The following GSE1 variants were observed in gnomAD, a reference collection of about 807,000 sequenced individuals.
The protein encoded by GSE1 is Gse1 coiled-coil protein.
GSE1 carries 32 observed loss-of-function variants against 112.6 expected under a neutral mutation model. The observed-to-expected ratio is 0.28, with a 90% CI of 0.21 to 0.38. GSE1 has a LOEUF of 0.38. GSE1 is among the 10% of genes least tolerant of loss of function. The pLI is 1.00. For synonymous variants in GSE1, 1,115 were observed against 735.6 expected (o/e 1.52, Z -8.35); for missense variants, 2,348 against 1,699.2 (o/e 1.38, Z -6.71).
chr16:85,439,735 ACAGAT>A (rs937172151), intron 2 of GSE1, among the ~76,000 whole-genome samples: 13 of 151,450 alleles, frequency 8.6e-5, no homozygotes, highest in African/African-American at 3.2e-4. Context: ...TCAGAGAGCC[ACAGAT>A]CCACATGCAT....
rs1017777170 is a variant in GSE1 at position 85,597,781 on chromosome 16, A to G, written c.37+41418A>G. ...CCACTGCGCCTGGCTGGATTCTTCA[A>G]TAACTAAAAGATGGGCCAGCCTCAG... On this transcript the variant is annotated intron_variant, in intron 1 of 2. Coordinates refer to the GSE1 transcript ENST00000635906. Among the ~76,000 whole-genome samples, 6 of 152,188 alleles carry G rather than the reference A, an allele frequency of 3.9e-5. No homozygotes were observed. In the South Asian group the frequency reaches 8.3e-4, roughly 21 times the overall value.
At chr16:85,547,650 G>A (rs1357519278) in intron 2 of GSE1, among the ~76,000 whole-genome samples, 2 of 152,116 alleles carry the variant, frequency 1.3e-5, no homozygotes, top group Non-Finnish European at 2.9e-5. Flanking sequence ...GGAGGCCGGG[G>A]AGGGTGTATC....
chr16:85,433,756 G>T (rs1318925679), intron 2 of GSE1, among the ~76,000 whole-genome samples: 1 of 152,170 alleles, frequency 6.6e-6, no homozygotes, highest in Non-Finnish European at 1.5e-5. Flanking sequence ...AATGGATGCT[G>T]GATGGATGGA....
At chr16:85,171,207 G>C (rs2074353799) in exon 1 of GSE1, 1 of 985,548 alleles carries the variant, frequency 1.0e-6, no homozygotes, top group African/African-American at 1.7e-5. Flanking sequence ...CCTCCGTGCA[G>C]GGCTTCCTGG....
intron 1 of GSE1, among the ~76,000 whole-genome samples, chr16:85,240,412 G>A (rs776724949): frequency 1.3e-5 from 2 of 152,218 alleles, no homozygotes; most frequent in Non-Finnish European, 2.9e-5. Flanking sequence ...GGAGGGGGGT[G>A]GAGTGTCAGC....
intron 1 of GSE1, among the ~76,000 whole-genome samples, chr16:85,632,950 C>A (rs530520314): frequency 4.5e-4 from 69 of 152,300 alleles, no homozygotes; most frequent in African/African-American, 1.6e-3. Flanking sequence ...TTGGAGGTGG[C>A]CATGTCCTTT....
chr16:85,519,581 CTCCAT>C (rs1297179985), intron 2 of GSE1, among the ~76,000 whole-genome samples: 2 of 146,120 alleles, frequency 1.4e-5, no homozygotes, highest in South Asian at 2.2e-4. Flanking sequence ...CATCACCAGT[CTCCAT>C]CATCATCACC....
chr16:85,396,665 A>G (rs1039598002), intron 2 of GSE1, among the ~76,000 whole-genome samples: 9 of 152,230 alleles, frequency 5.9e-5, no homozygotes, highest in Non-Finnish European at 1.2e-4. Flanking sequence ...CGTTCAGGCC[A>G]TTCTCAGGAC....
chr16:85,519,787 C>T (rs2052118334), intron 2 of GSE1, among the ~76,000 whole-genome samples: 1 of 152,220 alleles, frequency 6.6e-6, no homozygotes, highest in African/African-American at 2.4e-5. Context: ...GTCATCACCA[C>T]AACCAGCAAT....
chr16:85,654,845 C>T lies in GSE1; in HGVS notation c.651C>T (p.Asp217=). Reference sequence around the variant, plus strand: ...TGCCCCCCAGTACCGTGACCGAGGACTACCTGAGAAGCTTCCGGCCCTACC... The same window carrying T: ...TGCCCCCCAGTACCGTGACCGAGGATTACCTGAGAAGCTTCCGGCCCTACC... The part of the protein sequence containing the change: ...HVVPPSTVTE[D]YLRSFRPYHT... The change falls in exon 5 of 16, where the codon GAC becomes GAT. Residue 217 remains aspartate, a synonymous_variant. Coordinates refer to ENST00000253458, the MANE Select transcript of GSE1 (RefSeq NM_014615.5). 6.2e-7 allele frequency: 1 copy of T among 1,612,176 alleles called. No individual in the cohort carries two copies. The highest frequency in any genetic ancestry group is 8.5e-7 in the Non-Finnish European group (1 of 1,179,638).
chr16:85,184,749 A>G (rs1465857491), intron 1 of GSE1, among the ~76,000 whole-genome samples: 1 of 152,200 alleles, frequency 6.6e-6, no homozygotes, highest in Non-Finnish European at 1.5e-5. Flanking sequence ...TTAATTTCCA[A>G]ACATTGGACT....
Position 85,572,613 on chromosome 16 carries a change from C to T in GSE1, c.37+16250C>T, listed in dbSNP as rs552223421. Among the ~76,000 whole-genome samples the T allele has an allele frequency of 2.6e-5, 4 of 152,274 alleles. No homozygotes were observed. The South Asian group carries it at 6.2e-4, about 24-fold the overall frequency. ...AGCACAGTGTGCCTTGCCTTCTTTT[C>T]CAGAGCAGGTTAAATGATGTGCCTG... On this transcript the variant is annotated intron_variant, in intron 1 of 2. Transcript: ENST00000635906.
intron 2 of GSE1, among the ~76,000 whole-genome samples, chr16:85,417,630 C>T (rs2048732619): frequency 1.3e-5 from 2 of 152,250 alleles, no homozygotes; most frequent in Non-Finnish European, 2.9e-5. Flanking sequence ...CTTTGGCTGC[C>T]AGATGTCCCT....
At chr16:85,216,378 G>C (rs1172297620) in intron 1 of GSE1, among the ~76,000 whole-genome samples, 2 of 152,150 alleles carry the variant, frequency 1.3e-5, no homozygotes, top group African/African-American at 4.8e-5. Flanking sequence ...CAGCCTGAAT[G>C]ACAGAGCAAG....
intron 2 of GSE1, among the ~76,000 whole-genome samples, chr16:85,525,884 C>G (rs1292783148): frequency 1.3e-5 from 2 of 152,326 alleles, no homozygotes; most frequent in Non-Finnish European, 2.9e-5. Flanking sequence ...GGGTACCTCA[C>G]TGGTGGCTGA....
At chr16:85,585,039 G>T (rs529413049) in intron 1 of GSE1, among the ~76,000 whole-genome samples, 5 of 152,212 alleles carry the variant, frequency 3.3e-5, no homozygotes, top group African/African-American at 7.2e-5. Context: ...CAGCGTATGG[G>T]GCAGGAGCTT....
At chr16:85,228,176 C>T (rs1472475257) in intron 1 of GSE1, among the ~76,000 whole-genome samples, 2 of 152,212 alleles carry the variant, frequency 1.3e-5, no homozygotes, top group East Asian at 1.9e-4. Flanking sequence ...TCCCGGCCCC[C>T]GCCGGAGGAG....
chr16:85,401,801 G>A (rs2048121263), intron 2 of GSE1, among the ~76,000 whole-genome samples: 1 of 152,256 alleles, frequency 6.6e-6, no homozygotes, highest in Non-Finnish European at 1.5e-5. Context: ...CGAGAGCAGT[G>A]TTTCTCAATC....
intron 2 of GSE1, among the ~76,000 whole-genome samples, chr16:85,534,324 G>A (rs1480170944): frequency 6.6e-6 from 1 of 151,994 alleles, no homozygotes; most frequent in East Asian, 1.9e-4. Context: ...GTTTCACCAT[G>A]TTGGCCAGGC....
Sources: allele counts gnomAD v4.1 joint callset (sites outside exome capture counted in the v4.1 genomes callset), GRCh38; gene constraint gnomAD v4.1.1; transcripts MANE v1.5; gene names NCBI Gene and HGNC (gene_info 2026-07-23, HGNC 2026-07-21).